The following F11 variants were observed in gnomAD, a reference collection of about 807,000 sequenced individuals.
F11 encodes the protein coagulation factor XI.
Under a neutral mutation model 76.5 loss-of-function variants are expected in F11, and 78 were observed. That is an observed-to-expected ratio of 1.02 (90% confidence interval 0.85 to 1.23). F11 has a LOEUF of 1.23. Among genes scored for constraint, F11 ranks in the 50% most tolerant of loss-of-function variants. F11 has a pLI of 0.00. For synonymous variants in F11, 278 were observed against 276.3 expected (o/e 1.01, Z -0.06); for missense variants, 742 against 771.4 (o/e 0.96, Z 0.45).
intron 10 of F11, chr4:186,282,899 T>C: frequency 1.0e-6 from 1 of 985,292 alleles, no homozygotes; most frequent in Non-Finnish European, 1.2e-6. Flanking sequence ...CTCATTTTCC[T>C]ACCAAGGAAA....
At chr4:186,282,762 G>C in intron 10 of F11, 1 of 985,352 alleles carries the variant, frequency 1.0e-6, no homozygotes, top group Non-Finnish European at 1.2e-6. Flanking sequence ...TAAAATGAGA[G>C]CCTCTGTTCA....
rs1739975274 is a variant in F11, at chr4:186,271,736, C to T, written c.183C>T (p.Phe61=). The T allele has an allele frequency of 1.2e-6, 2 of 1,614,072 alleles. No individual in the cohort carries two copies. The highest frequency in any genetic ancestry group is 1.3e-5 in the African/African-American group (1 of 74,928). Residue 61 remains phenylalanine, a synonymous_variant, in exon 3 of 15, where the codon TTC becomes TTT. Transcript: ENST00000403665. The stretch of plus-strand genomic sequence containing the variant: ...ACCCAAGATGTTTACTCTTCACTTT[C>T]ACGGCGGAATCACCATCTGAGGATC... ...TYHPRCLLFT[F]TAESPSEDPT...
intron 7 of F11, among the ~76,000 whole-genome samples, chr4:186,278,649 T>C (rs1740557534): frequency 6.6e-6 from 1 of 152,128 alleles, no homozygotes; most frequent in South Asian, 2.1e-4. Flanking sequence ...GAAATGTCAA[T>C]GACAGAATGT....
chr4:186,272,068 T>C (rs1230943569), intron 3 of F11, among the ~76,000 whole-genome samples: 1 of 152,126 alleles, frequency 6.6e-6, no homozygotes, highest in Non-Finnish European at 1.5e-5. Flanking sequence ...TGCTTTTCTA[T>C]CGATTATTAA....
intron 7 of F11, among the ~76,000 whole-genome samples, chr4:186,277,241 AT>A (rs1029378756): frequency 2.6e-5 from 4 of 152,056 alleles, no homozygotes; most frequent in Non-Finnish European, 4.4e-5. Context: ...TGATTTTATG[AT>A]TTTTTTATGG....
chr4:186,287,581 C>A, intron 13 of F11, 103 bp from the exon 14 acceptor site: 1 of 429,132 alleles, frequency 2.3e-6, no homozygotes, highest in Non-Finnish European at 3.5e-6. Context: ...GAGACTCCGT[C>A]TCAATTAAAA....
At position 186,266,843 on chromosome 4, in the gene F11, A is replaced by G. The variant is rs1739535696; in HGVS notation, c.-1-293A>G. Among the ~76,000 whole-genome samples the G allele has an allele frequency of 3.3e-5, 5 of 152,140 alleles. No homozygotes were observed. In the South Asian group the frequency reaches 1.0e-3, roughly 32 times the overall value. On this transcript the variant is annotated intron_variant, in intron 1 of 14. Coordinates refer to ENST00000403665, the MANE Select transcript of F11 (RefSeq NM_000128.4). ...CGGTCAGATGGTGGCCATGAGAAGG[A>G]TCTGAACACAGAGAGCGGCGGGGCC...
chr4:186,270,218 C>A (rs1473185208), intron 2 of F11, among the ~76,000 whole-genome samples: 6 of 152,180 alleles, frequency 3.9e-5, no homozygotes, highest in Non-Finnish European at 1.5e-5. Context: ...CAATATACAA[C>A]AGCAAGCACT....
At chr4:186,270,862 A>ATTTTTT (rs34930947) in intron 2 of F11, among the ~76,000 whole-genome samples, 14 of 138,304 alleles carry the variant, frequency 1.0e-4, no homozygotes, top group South Asian at 2.3e-4. Flanking sequence ...CCCAGCTAGT[A>ATTTTTT]TTTTTTTTTT....
intron 10 of F11, chr4:186,283,174 C>A (rs186616565): frequency 5.2e-6 from 2 of 384,018 alleles, no homozygotes; most frequent in African/African-American, 4.4e-5. Context: ...ACACAGGCAA[C>A]CCACAGGCAC....
In F11 at chr4:186,284,190, C is replaced by T. The variant is rs538083600; in HGVS notation, c.1234C>T (p.Gln412Ter). 6 of 1,614,228 alleles carry T rather than the reference C, an allele frequency of 3.7e-6. No homozygotes were observed. In the South Asian group the frequency reaches 6.6e-5, roughly 18 times the overall value. The change falls in exon 11 of 15, where the codon CAG becomes TAG. Residue 412 changes from glutamine (Q) to a stop codon, truncating the protein, a stop_gained. Coordinates refer to ENST00000403665, the MANE Select transcript of F11 (RefSeq NM_000128.4). LOFTEE classifies it high-confidence loss of function. ...QVTLHTTSPTQRHLCGGSIIG... is the reference protein window; with the variant it reads ...QVTLHTTSPT ...GACCCTGCACACAACCTCACCCACT[C>T]AGAGACACCTGTGTGGAGGCTCCAT... is the stretch of plus-strand genomic sequence containing the variant.
chr4:186,274,510 G>A (rs1740225618), intron 5 of F11: 3 of 559,514 alleles, frequency 5.4e-6, no homozygotes, highest in Non-Finnish European at 6.3e-6. Context: ...ATATATACTT[G>A]GCTAATTTCA....
At chr4:186,280,861 T>TC (rs1158220640) in intron 10 of F11, among the ~76,000 whole-genome samples, 2 of 129,740 alleles carry the variant, frequency 1.5e-5, no homozygotes, top group Non-Finnish European at 3.2e-5. Flanking sequence ...TCTTTCTTTT[T>TC]TTTTTTTTTT....
chr4:186,282,701 G>A (rs1179738313), intron 10 of F11: 1 of 985,250 alleles, frequency 1.0e-6, no homozygotes, highest in Non-Finnish European at 1.2e-6. Flanking sequence ...CCACCTTGCA[G>A]AAATTCCAGA....
intron 10 of F11, chr4:186,281,883 G>C: frequency 8.2e-7 from 1 of 1,226,328 alleles, no homozygotes; most frequent in Non-Finnish European, 1.1e-6. Context: ...ACATAAAGAC[G>C]TTATATTGCC....
rs4253862 is a variant in F11 at position 186,287,900 on chromosome 4, G to GTT, written c.1716+84_1716+85dup. On this transcript the variant is annotated intron_variant, in intron 14 of 14. Transcript: ENST00000403665. ...GCGTTGGGGTTTTTTTGTTTGTTTT[G>GTT]TTTTTTTTGTTTGTTTTTTTTTGAG... 5 of 1,523,750 alleles carry GTT rather than the reference G, an allele frequency of 3.3e-6. No individual in the cohort carries two copies. The African/African-American group carries it at 7.0e-5, about 21-fold the overall frequency. The allele number at this position is 1,523,750 out of a possible 1,614,324, so 94.4% of individuals were successfully genotyped here.
chr4:186,268,438 A>G lies in F11; in HGVS notation c.55+1247A>G, dbSNP rs1200293828. 4.6e-5 allele frequency among the ~76,000 whole-genome samples: 7 copies of G among 152,320 alleles called. No individual in the cohort carries two copies. In the South Asian group the frequency reaches 1.5e-3, roughly 32 times the overall value. On this transcript the variant is annotated intron_variant, in intron 2 of 14. Transcript: ENST00000403665. ...ATATTTAGGTCCTTTATACATGCAC[A>G]TGGAACATTTACAAATATTGACCAC...
chr4:186,282,016 TTC>T, intron 10 of F11: 1 of 1,247,866 alleles, frequency 8.0e-7, no homozygotes, highest in Non-Finnish European at 1.1e-6. Context: ...ATCTCATACA[TTC>T]TGTTTTCCTC....
intron 2 of F11, 91 bp from the exon 3 acceptor site, chr4:186,271,518 A>T: frequency 7.3e-7 from 1 of 1,369,882 alleles, no homozygotes. Flanking sequence ...TGGTAAGTAG[A>T]GCTACTTGCC....
Sources: gnomAD v4.1 joint callset for allele counts (sites outside exome capture counted in the v4.1 genomes callset) on GRCh38, gnomAD v4.1.1 for gene constraint, MANE v1.5 for transcripts, NCBI Gene and HGNC (gene_info 2026-07-23, HGNC 2026-07-21) for gene names.